LTN1: variants seen among roughly 807,000 people sequenced by gnomAD.
LTN1 encodes the protein listerin E3 ubiquitin protein ligase 1.
In LTN1, 88 loss-of-function variants were observed where a neutral mutation model predicts 201.2. The observed-to-expected ratio is 0.44, with a 90% CI of 0.37 to 0.52. The LOEUF (loss-of-function observed/expected upper bound fraction) is 0.52, where lower values mean the gene tolerates loss of function less well. LTN1 is among the 20% of genes least tolerant of loss of function. The pLI is 0.00. For missense variants in LTN1, 1,752 were observed against 2,038.7 expected, an observed-to-expected ratio of 0.86 and a Z score of 2.71; for synonymous variants, 645 against 713.5, an observed-to-expected ratio of 0.90 and a Z score of 1.53.
At chr21:28,960,151 G>A (rs978785437) in intron 12 of LTN1, among the ~76,000 whole-genome samples, 1 of 152,122 alleles carries the variant, frequency 6.6e-6, no homozygotes, top group Non-Finnish European at 1.5e-5. Context: ...CAGATCACCT[G>A]AGGTGAGGAG....
At chr21:28,970,455 A>C (rs1468201644) in intron 8 of LTN1, 97 bp downstream of exon 8, 9 of 821,590 alleles carry the variant, frequency 1.1e-5, no homozygotes, top group Non-Finnish European at 1.5e-5. Flanking sequence ...TTTAATGAAT[A>C]GTAAAACAAC....
intron 6 of LTN1, 52 bp downstream of exon 6, chr21:28,981,067 G>A: frequency 8.9e-7 from 1 of 1,122,808 alleles, no homozygotes; most frequent in Non-Finnish European, 1.2e-6. Context: ...AAACTAAGAA[G>A]ATGGGGGTAA....
chr21:28,988,067 G>A (rs1440510969), intron 1 of LTN1, among the ~76,000 whole-genome samples: 9 of 149,842 alleles, frequency 6.0e-5, no homozygotes, highest in Non-Finnish European at 8.9e-5. Context: ...CGCTTGAACC[G>A]GAAGGCAGAG....
At chr21:28,931,093 GTGTGTGTT>G (rs1351163354) in intron 29 of LTN1, 54 bp downstream of exon 29, 2 of 925,668 alleles carry the variant, frequency 2.2e-6, no homozygotes, top group Non-Finnish European at 1.7e-6. Flanking sequence ...GTGTGTGTGT[GTGTGTGTT>G]TATGTGTATA....
intron 24 of LTN1, among the ~76,000 whole-genome samples, chr21:28,942,671 T>G (rs142656776): frequency 6.0e-4 from 91 of 152,306 alleles, no homozygotes; most frequent in Non-Finnish European, 1.3e-3. Context: ...TTATGTTGTC[T>G]TTCCTGTCCT....
At chr21:28,948,275 T>C (rs1329357711) in intron 18 of LTN1, among the ~76,000 whole-genome samples, 1 of 148,212 alleles carries the variant, frequency 6.7e-6, no homozygotes, top group Non-Finnish European at 1.5e-5. Context: ...TCTTTCTTTT[T>C]TTTTTTTTTT....
chr21:28,959,568 T>C lies in LTN1; in HGVS notation c.2483A>G (p.Tyr828Cys), dbSNP rs374172714. The C allele has an allele frequency of 1.3e-4, 212 of 1,613,992 alleles. No homozygotes were observed. Among genetic ancestry groups the C allele is most frequent in the Non-Finnish European group, 1.7e-4 (197 of 1,179,996 alleles). Reference protein sequence around the residue: ...SSVSFICDVAYNYFSSAKGCL... With the variant: ...SSVSFICDVACNYFSSAKGCL... ...TCCTTTCGCTGAGCTGAAATAGTTA[T>C]AGGCCACATCACAGATAAAAGACAC... Residue 828 changes from tyrosine to cysteine, a missense_variant, in exon 13 of 30, where the codon TAT becomes TGT. Coordinates refer to ENST00000361371, the MANE Select transcript of LTN1 (RefSeq NM_015565.3).
chr21:28,958,561 G>T (rs1601187129), intron 13 of LTN1, 22 bp from the exon 14 acceptor site: 2 of 1,555,166 alleles, frequency 1.3e-6, no homozygotes, highest in Non-Finnish European at 8.7e-7. Flanking sequence ...ATGTCAACAG[G>T]AATTTGTAAT....
At chr21:28,983,037 G>C (rs2084670934) in intron 4 of LTN1, among the ~76,000 whole-genome samples, 1 of 152,120 alleles carries the variant, frequency 6.6e-6, no homozygotes, top group African/African-American at 2.4e-5. Context: ...TGGCAGAGTG[G>C]GACTAGAACC....
At chr21:28,944,333 T>G (rs1021502123) in intron 22 of LTN1, 50 bp downstream of exon 22, 2 of 1,428,718 alleles carry the variant, frequency 1.4e-6, no homozygotes, top group Admixed American at 1.9e-5. Context: ...AATTTTTCAG[T>G]AAGTCATTTC....
Position 28,942,062 on chromosome 21 carries a change from C to G in LTN1, c.4296-656G>C, listed in dbSNP as rs187731533. On this transcript the variant is annotated intron_variant, in intron 24 of 29. Transcript: ENST00000361371. ...CTCAAAAAGTAAAATACTTAACTCT[C>G]TTCTCCATGATACTCTAGCCTGGTT... Among the ~76,000 whole-genome samples, 338 of 152,300 alleles carry G rather than the reference C, an allele frequency of 2.2e-3. 3 individuals are homozygous for G. The highest frequency in any genetic ancestry group is 7.9e-3 in the African/African-American group (327 of 41,556).
intron 24 of LTN1, among the ~76,000 whole-genome samples, chr21:28,943,001 C>T (rs2084309039): frequency 6.6e-6 from 1 of 152,210 alleles, no homozygotes; most frequent in Admixed American, 6.5e-5. Context: ...CCGATACACT[C>T]TTTCCACAGC....
intron 4 of LTN1, among the ~76,000 whole-genome samples, chr21:28,983,769 TA>T (rs1358465870): frequency 6.6e-6 from 1 of 152,008 alleles, no homozygotes; most frequent in African/African-American, 2.4e-5. Context: ...AACACAGGAG[TA>T]CTAAATAAGG....
chr21:28,939,478 T>C (rs1312771143), intron 25 of LTN1, among the ~76,000 whole-genome samples: 1 of 152,262 alleles, frequency 6.6e-6, no homozygotes, highest in Non-Finnish European at 1.5e-5. Context: ...TCTGATTTGC[T>C]AGTTTTTTTG....
chr21:28,956,399 G>C (rs979490959), intron 16 of LTN1, among the ~76,000 whole-genome samples: 1 of 151,940 alleles, frequency 6.6e-6, no homozygotes, highest in African/African-American at 2.4e-5. Context: ...AAATTATCAG[G>C]TATCAATTTT....
In LTN1 at chr21:28,944,414, A is replaced by C; in HGVS notation, c.3951T>G (p.Ser1317Arg). Residue 1317 changes from serine to arginine, a missense_variant, in exon 22 of 30, where the codon AGT becomes AGG. Transcript: ENST00000361371. Reference sequence around the variant, plus strand: ...CAGTCACCAAAATAGGTAAAAGCAAACTGTGGATGCCTTGGGAAAAAAATT... The same window carrying C: ...CAGTCACCAAAATAGGTAAAAGCAACCTGTGGATGCCTTGGGAAAAAAATT... ...WKEFFSQGIH[S>R]LLLPILVTVT... 1 of 1,613,870 alleles carries C rather than the reference A, an allele frequency of 6.2e-7. No homozygotes were observed.
intron 1 of LTN1, among the ~76,000 whole-genome samples, chr21:28,988,608 C>T (rs1052130590): frequency 3.9e-5 from 6 of 151,968 alleles, no homozygotes; most frequent in African/African-American, 1.5e-4. Flanking sequence ...TGTTTTCAAT[C>T]TGTAGCATTT....
chr21:28,939,830 T>C (rs2084283654), intron 25 of LTN1, among the ~76,000 whole-genome samples: 1 of 152,214 alleles, frequency 6.6e-6, no homozygotes, highest in African/African-American at 2.4e-5. Context: ...TAAGGAGCTC[T>C]TGAAATATAT....
intron 6 of LTN1, among the ~76,000 whole-genome samples, chr21:28,979,393 T>C (rs1452260645): frequency 6.6e-6 from 1 of 152,216 alleles, no homozygotes; most frequent in Non-Finnish European, 1.5e-5. Context: ...GCAATCAGGA[T>C]CTATCACTGG....
Sources: allele counts gnomAD v4.1 joint callset (sites outside exome capture counted in the v4.1 genomes callset), GRCh38; gene constraint gnomAD v4.1.1; transcripts MANE v1.5; gene names NCBI Gene and HGNC (gene_info 2026-07-23, HGNC 2026-07-21).